GPBP1L1: variants seen among roughly 807,000 people sequenced by gnomAD.
The protein encoded by GPBP1L1 is vasculin-like protein 1.
In GPBP1L1, 23 loss-of-function variants were observed where a neutral mutation model predicts 52.5. The ratio of observed to expected loss-of-function variants is 0.44; its 90% CI spans 0.32 to 0.62. GPBP1L1 has a LOEUF of 0.62. Among genes scored for constraint, GPBP1L1 ranks in the 20% least tolerant of loss-of-function variants. The probability of loss-of-function intolerance (pLI) is 0.06; values close to 1 mark genes in which losing one functional copy is unlikely to be tolerated. For missense variants in GPBP1L1, 596 were observed against 579.3 expected, an observed-to-expected ratio of 1.03 and a Z score of -0.30; for synonymous variants, 243 against 203.1, an observed-to-expected ratio of 1.20 and a Z score of -1.67.
chr1:45,675,847 C>G (rs1645132984), intron 2 of GPBP1L1, among the ~76,000 whole-genome samples: 1 of 152,174 alleles, frequency 6.6e-6, no homozygotes, highest in Non-Finnish European at 1.5e-5. Flanking sequence ...AGCCTTCTTA[C>G]TGTTCTTAAG....
intron 2 of GPBP1L1, among the ~76,000 whole-genome samples, chr1:45,665,889 C>T (rs1645004855): frequency 6.6e-6 from 1 of 151,890 alleles, no homozygotes; most frequent in Non-Finnish European, 1.5e-5. Flanking sequence ...AGTCTCTTTC[C>T]ACCATCTGCC....
intron 6 of GPBP1L1, among the ~76,000 whole-genome samples, chr1:45,653,476 C>T (rs1159822592): frequency 6.6e-6 from 1 of 152,134 alleles, no homozygotes; most frequent in African/African-American, 2.4e-5. Context: ...CTGCCTCAGT[C>T]TCCCTAGTGG....
chr1:45,641,451 CAT>C (rs1644671525), intron 7 of GPBP1L1, among the ~76,000 whole-genome samples: 3 of 150,454 alleles, frequency 2.0e-5, no homozygotes, highest in African/African-American at 7.4e-5. Context: ...TATACACACA[CAT>C]ACACATAAAC....
Position 45,655,276 on chromosome 1 carries a change from C to T in GPBP1L1, c.104G>A (p.Arg35Lys). ...TFEKHGEHLP[R>K]GEGRFGVSRR... ...GCTTACTCCAAATCTACCTTCTCCT[C>T]TGGGTAGGTGCTCTCCGTGTTTTTC... The change falls in exon 5 of 13, where the codon AGA (arginine) becomes AAA (lysine). Residue 35 changes from arginine (R) to lysine (K), a missense_variant. By Grantham distance (26) the Arg-to-Lys change is conservative. Transcript: ENST00000355105. 1 of 1,613,974 alleles carries T rather than the reference C, an allele frequency of 6.2e-7. No homozygotes were observed. Among genetic ancestry groups the T allele is most frequent in the Non-Finnish European group, 8.5e-7 (1 of 1,179,868 alleles).
In GPBP1L1 at chr1:45,654,555, T is replaced by C. The variant is rs371310784; in HGVS notation, c.465A>G (p.Glu155=). Residue 155 remains glutamate (E), a synonymous_variant, in exon 6 of 13, where the codon GAA becomes GAG. Coordinates refer to ENST00000355105, the MANE Select transcript of GPBP1L1 (RefSeq NM_021639.5). ...GATTCATACTTACAAAGTCCTCCTC[T>C]TCAAACTGCAACTTTTCCACCTTGT... The part of the protein sequence containing the change: ...KEDKVEKLQF[E]EEDFPSLNPE... 1.5e-5 allele frequency: 24 copies of C among 1,610,608 alleles called. No homozygotes were observed. The highest frequency in any genetic ancestry group is 1.8e-5 in the Non-Finnish European group (21 of 1,177,318).
At chr1:45,631,951 C>T (rs894234685) in intron 10 of GPBP1L1, among the ~76,000 whole-genome samples, 1 of 151,942 alleles carries the variant, frequency 6.6e-6, no homozygotes, top group East Asian at 1.9e-4. Context: ...CTGGGCATGG[C>T]AGCTCATGCC....
At chr1:45,667,066 T>C (rs1044732484) in intron 2 of GPBP1L1, among the ~76,000 whole-genome samples, 9 of 152,170 alleles carry the variant, frequency 5.9e-5, no homozygotes, top group African/African-American at 1.9e-4. Flanking sequence ...CTGCTTAATA[T>C]AGATGAAAAT....
chr1:45,685,417 C>A (rs561803350), intron 2 of GPBP1L1, among the ~76,000 whole-genome samples, 159 bp downstream of exon 2: 1 of 152,260 alleles, frequency 6.6e-6, no homozygotes, highest in East Asian at 1.9e-4. Context: ...AAAAATATTT[C>A]AACAAATATG....
intron 3 of GPBP1L1, 138 bp from the exon 4 acceptor site, chr1:45,659,280 CT>C (rs1220495557): frequency 7.1e-6 from 4 of 563,550 alleles, no homozygotes; most frequent in Non-Finnish European, 1.2e-5. Context: ...CTTACCAAGC[CT>C]TATAACTCAG....
At chr1:45,678,390 T>C (rs977876085) in intron 2 of GPBP1L1, among the ~76,000 whole-genome samples, 1 of 152,152 alleles carries the variant, frequency 6.6e-6, no homozygotes, top group Non-Finnish European at 1.5e-5. Flanking sequence ...CCATGCAAAT[T>C]AGTTTCTTGT....
intron 2 of GPBP1L1, among the ~76,000 whole-genome samples, chr1:45,671,076 G>C (rs1328131583): frequency 1.3e-5 from 2 of 152,042 alleles, no homozygotes; most frequent in African/African-American, 4.8e-5. Flanking sequence ...TTACAGGCGT[G>C]AGCCACCGCG....
At chr1:45,655,389 T>A (rs1270711554) in intron 4 of GPBP1L1, 70 bp from the exon 5 acceptor site, 1 of 1,523,684 alleles carries the variant, frequency 6.6e-7, no homozygotes, top group Non-Finnish European at 9.0e-7. Flanking sequence ...CTTAATAGGC[T>A]TTGCATCAGG....
chr1:45,643,657 G>GTTTTTTTT (rs1644702864), intron 6 of GPBP1L1, among the ~76,000 whole-genome samples: 1 of 123,546 alleles, frequency 8.1e-6, no homozygotes, highest in African/African-American at 3.2e-5. Context: ...TAGGAGAATG[G>GTTTTTTTT]CTTTTTTTTT....
chr1:45,639,121 C>T (rs1314368974), intron 8 of GPBP1L1, among the ~76,000 whole-genome samples: 1 of 152,030 alleles, frequency 6.6e-6, no homozygotes, highest in East Asian at 1.9e-4. Context: ...TTATCTGGCC[C>T]TTCATAGAAA....
At chr1:45,659,767 T>C (rs1644926858) in intron 3 of GPBP1L1, among the ~76,000 whole-genome samples, 1 of 152,024 alleles carries the variant, frequency 6.6e-6, no homozygotes, top group Non-Finnish European at 1.5e-5. Flanking sequence ...TGGCAAAACC[T>C]CATCTGTACA....
chr1:45,683,965 A>T (rs1645245692), intron 2 of GPBP1L1, among the ~76,000 whole-genome samples: 1 of 151,578 alleles, frequency 6.6e-6, no homozygotes, highest in African/African-American at 2.4e-5. Context: ...TATAAAAGTA[A>T]ACAACAAGCC....
At chr1:45,662,113 T>C (rs935308368) in intron 2 of GPBP1L1, among the ~76,000 whole-genome samples, 8 of 152,190 alleles carry the variant, frequency 5.3e-5, no homozygotes, top group Non-Finnish European at 1.2e-4. Context: ...ATTTCTTCGG[T>C]AATTTCTCAA....
At chr1:45,668,073 C>G (rs1294435732) in intron 2 of GPBP1L1, among the ~76,000 whole-genome samples, 3 of 152,126 alleles carry the variant, frequency 2.0e-5, no homozygotes, top group Non-Finnish European at 4.4e-5. Flanking sequence ...ATAGTGTACC[C>G]TTATTGTCTT....
chr1:45,683,051 C>T (rs1645229864), intron 2 of GPBP1L1, among the ~76,000 whole-genome samples: 1 of 138,080 alleles, frequency 7.2e-6, no homozygotes. Context: ...TTTGCCTTTC[C>T]CATTAGTTTT....
Sources: gnomAD v4.1 joint callset for allele counts (sites outside exome capture counted in the v4.1 genomes callset) on GRCh38, gnomAD v4.1.1 for gene constraint, MANE v1.5 for transcripts, NCBI Gene and HGNC (gene_info 2026-07-23, HGNC 2026-07-21) for gene names.